Variants in PPP2R5E observed in about 807,000 individuals in gnomAD.
PPP2R5E encodes the protein serine/threonine-protein phosphatase 2A 56 kDa regulatory subunit epsilon isoform.
PPP2R5E carries 4 observed loss-of-function variants against 65.3 expected under a neutral mutation model. That is an observed-to-expected ratio of 0.06 (90% CI 0.03 to 0.14). The LOEUF is 0.14. PPP2R5E is among the 10% of genes least tolerant of loss of function. The pLI is 1.00. For synonymous variants in PPP2R5E, 183 were observed against 187.4 expected, an observed-to-expected ratio of 0.98 and a Z score of 0.19; for missense variants, 274 against 556.1, an observed-to-expected ratio of 0.49 and a Z score of 5.10.
intron 4 of PPP2R5E, among the ~76,000 whole-genome samples, chr14:63,417,629 T>C (rs1275969820): frequency 6.6e-6 from 1 of 152,232 alleles, no homozygotes; most frequent in Non-Finnish European, 1.5e-5. Flanking sequence ...AGAATATTTT[T>C]AAATGTGTGC....
At chr14:63,439,388 T>C (rs538813428) in intron 3 of PPP2R5E, among the ~76,000 whole-genome samples, 14 of 152,286 alleles carry the variant, frequency 9.2e-5, no homozygotes, top group Non-Finnish European at 1.5e-5. Flanking sequence ...TGTTTCTGTT[T>C]TTTGAGACGG....
At chr14:63,403,673 T>C (rs915139950) in intron 5 of PPP2R5E, among the ~76,000 whole-genome samples, 14 of 150,842 alleles carry the variant, frequency 9.3e-5, no homozygotes, top group African/African-American at 3.4e-4. Flanking sequence ...GACTAGTTGA[T>C]ATGTGGGCCA....
rs145210177 is a variant in PPP2R5E, at chr14:63,488,723, C to T, written c.158-34838G>A. 1.3e-3 allele frequency among the ~76,000 whole-genome samples: 196 copies of T among 152,044 alleles called. 3 individuals are homozygous for T. The highest frequency in any genetic ancestry group is 6.6e-3 in the East Asian group (34 of 5,178). On this transcript the variant is annotated intron_variant, in intron 2 of 13. Transcript: ENST00000337537. Reference sequence around the variant, plus strand: ...AATTAGCCTGGCGTGGTGGCGCATACCTGTAGTCCCAGCTACTCGGAAGGC... The same window carrying T: ...AATTAGCCTGGCGTGGTGGCGCATATCTGTAGTCCCAGCTACTCGGAAGGC...
rs183994858 is a variant in PPP2R5E, at chr14:63,530,255, G to A, written c.157+9274C>T. ...TTTTTTTTTTTTTTTTTTTTGAGAC[G>A]GAGTTTTGCTCTTGTTGCCCAGGCT... On this transcript the variant is annotated intron_variant, in intron 2 of 13. Coordinates refer to ENST00000337537, the MANE Select transcript of PPP2R5E (RefSeq NM_006246.5). Among the ~76,000 whole-genome samples the A allele has an allele frequency of 6.5e-3, 807 of 124,472 alleles. 7 individuals are homozygous for A. The highest frequency in any genetic ancestry group is 0.024 in the African/African-American group (731 of 30,366). The allele number at this position is 124,472 out of a possible 152,430, so 81.7% of individuals were successfully genotyped here. A position where few individuals can be genotyped will look rare whatever the true frequency, so the allele number is the denominator to read the frequency against.
chr14:63,461,515 G>A (rs1175268709), intron 2 of PPP2R5E, among the ~76,000 whole-genome samples: 7 of 151,962 alleles, frequency 4.6e-5, no homozygotes, highest in Non-Finnish European at 2.9e-5. Flanking sequence ...GAGGGTTGGT[G>A]CTGGGCACGT....
chr14:63,476,327 C>G (rs1890410915), intron 2 of PPP2R5E, among the ~76,000 whole-genome samples: 2 of 151,960 alleles, frequency 1.3e-5, no homozygotes, highest in South Asian at 4.1e-4. Flanking sequence ...ATTTAATGAT[C>G]CTACCAACCC....
intron 2 of PPP2R5E, among the ~76,000 whole-genome samples, chr14:63,531,595 T>A (rs1594978797): frequency 6.6e-6 from 1 of 152,344 alleles, no homozygotes; most frequent in Middle Eastern, 3.4e-3. Flanking sequence ...AACTGAACTT[T>A]AACATCTATT....
intron 13 of PPP2R5E, among the ~76,000 whole-genome samples, chr14:63,378,225 G>A (rs949559065): frequency 6.6e-6 from 1 of 152,176 alleles, no homozygotes; most frequent in Non-Finnish European, 1.5e-5. Flanking sequence ...TAAGGGGATG[G>A]TAAGCAAGGG....
rs545301452 is a variant in PPP2R5E at position 63,521,159 on chromosome 14, T to G, written c.157+18370A>C. ...CAAGAGTATCTAAAGCATATACCAT[T>G]TCTAGAACATCTCACTAAACCAGTA... On this transcript the variant is annotated intron_variant, in intron 2 of 13. Coordinates refer to ENST00000337537, the MANE Select transcript of PPP2R5E (RefSeq NM_006246.5). 3.9e-5 allele frequency among the ~76,000 whole-genome samples: 6 copies of G among 152,302 alleles called. No homozygotes were observed. The South Asian group carries it at 1.2e-3, about 32-fold the overall frequency.
Position 63,517,969 on chromosome 14 carries a change from G to C in PPP2R5E, c.157+21560C>G, listed in dbSNP as rs1015529559. ...ATGTTCCCCACTATTCCAAGCAGTAGTTCATAAAATAGGGAATTAAAACAC... is the reference window on the plus strand; with the variant it reads ...ATGTTCCCCACTATTCCAAGCAGTACTTCATAAAATAGGGAATTAAAACAC... On this transcript the variant is annotated intron_variant, in intron 2 of 13. Transcript: ENST00000337537. 5.3e-5 allele frequency among the ~76,000 whole-genome samples: 8 copies of C among 152,174 alleles called. 1 individual carries two copies. The South Asian group carries it at 8.3e-4, about 16-fold the overall frequency.
intron 2 of PPP2R5E, among the ~76,000 whole-genome samples, chr14:63,535,007 C>T (rs1893609763): frequency 6.6e-6 from 1 of 152,126 alleles, no homozygotes; most frequent in Non-Finnish European, 1.5e-5. Context: ...CAAAGTTCAT[C>T]CTATAATTTC....
At chr14:63,423,703 G>A (rs2144968) in intron 3 of PPP2R5E, among the ~76,000 whole-genome samples, 15,615 of 152,216 alleles carry the variant, frequency 0.1, 998 homozygotes, top group African/African-American at 0.18. Flanking sequence ...AGGCTTTGGG[G>A]TATCCACATA....
chr14:63,394,041 A>T, intron 7 of PPP2R5E, 113 bp from the exon 8 acceptor site: 1 of 572,900 alleles, frequency 1.7e-6, no homozygotes. Context: ...AAACAACATA[A>T]TACCCACCCC....
intron 11 of PPP2R5E, among the ~76,000 whole-genome samples, chr14:63,385,211 A>C (rs1434783666): frequency 6.6e-6 from 1 of 151,982 alleles, no homozygotes; most frequent in Non-Finnish European, 1.5e-5. Context: ...CTATAGTCCC[A>C]CCTACTTGGG....
intron 2 of PPP2R5E, among the ~76,000 whole-genome samples, chr14:63,504,429 A>C (rs1029870060): frequency 6.6e-6 from 1 of 151,978 alleles, no homozygotes; most frequent in African/African-American, 2.4e-5. Context: ...TAAAAATACA[A>C]ATATTAGCCA....
chr14:63,469,074 A>ATCAT (rs534065330), intron 2 of PPP2R5E, among the ~76,000 whole-genome samples: 117 of 152,292 alleles, frequency 7.7e-4, no homozygotes, highest in Admixed American at 2.4e-3. Flanking sequence ...GTTTAACTTA[A>ATCAT]TCATTCATTC....
chr14:63,494,379 G>C (rs1891434261), intron 2 of PPP2R5E, among the ~76,000 whole-genome samples: 2 of 151,928 alleles, frequency 1.3e-5, no homozygotes, highest in Admixed American at 1.3e-4. Flanking sequence ...GATTACAGGT[G>C]TGTACCACCA....
chr14:63,482,629 C>G (rs182504759), intron 2 of PPP2R5E, among the ~76,000 whole-genome samples: 7 of 152,332 alleles, frequency 4.6e-5, no homozygotes, highest in South Asian at 2.1e-4. Flanking sequence ...TGAAACACAT[C>G]TGGCTGACTC....
At chr14:63,388,123 T>C (rs917420875) in intron 11 of PPP2R5E, among the ~76,000 whole-genome samples, 1 of 146,374 alleles carries the variant, frequency 6.8e-6, no homozygotes, top group Admixed American at 6.8e-5. Flanking sequence ...TTTTTTTTTT[T>C]TTCTCCTTTC....
Sources: gnomAD v4.1 joint callset for allele counts (sites outside exome capture counted in the v4.1 genomes callset) on GRCh38, gnomAD v4.1.1 for gene constraint, MANE v1.5 for transcripts, NCBI Gene and HGNC (gene_info 2026-07-23, HGNC 2026-07-21) for gene names.